Variants in DLGAP2 observed in about 807,000 individuals in gnomAD.
DLGAP2 encodes disks large-associated protein 2.
DLGAP2 carries 26 observed loss-of-function variants against 100.3 expected under a neutral mutation model. The observed-to-expected ratio is 0.26, with a 90% CI of 0.19 to 0.36. DLGAP2 has a LOEUF of 0.36. Among genes scored for constraint, DLGAP2 ranks in the 10% least tolerant of loss-of-function variants. DLGAP2 has a pLI of 1.00. For missense variants in DLGAP2, 1,858 were observed against 1,453.2 expected, an observed-to-expected ratio of 1.28 and a Z score of -4.53; for synonymous variants, 886 against 630.1, an observed-to-expected ratio of 1.41 and a Z score of -6.08.
At chr8:1,455,040 G>A (rs918092161) in intron 3 of DLGAP2, among the ~76,000 whole-genome samples, 4 of 152,166 alleles carry the variant, frequency 2.6e-5, no homozygotes, top group African/African-American at 4.8e-5. Flanking sequence ...CTGGGGAGGG[G>A]GGGATACCGG....
At chr8:1,379,273 G>C (rs1796035426) in intron 3 of DLGAP2, among the ~76,000 whole-genome samples, 1 of 152,248 alleles carries the variant, frequency 6.6e-6, no homozygotes. Context: ...ACAGGCCCGA[G>C]GGCCACATCT....
chr8:827,627 T>C (rs781071235), intron 1 of DLGAP2, among the ~76,000 whole-genome samples: 6 of 152,242 alleles, frequency 3.9e-5, no homozygotes, highest in South Asian at 2.1e-4. Context: ...TTTTGTCTCA[T>C]TTGAAATAAG....
chr8:1,389,979 AC>A (rs113734436), intron 3 of DLGAP2, among the ~76,000 whole-genome samples: 52 of 152,232 alleles, frequency 3.4e-4, no homozygotes, highest in African/African-American at 1.1e-3. Context: ...AACAGGAGCA[AC>A]CGCAGGCTCT....
At chr8:1,655,650 C>A (rs957948522) in intron 8 of DLGAP2, among the ~76,000 whole-genome samples, 3 of 152,204 alleles carry the variant, frequency 2.0e-5, no homozygotes, top group Non-Finnish European at 2.9e-5. Context: ...TCCTCAAAGC[C>A]ATGTGAAGTG....
At chr8:823,460 T>G (rs1445103500) in intron 1 of DLGAP2, among the ~76,000 whole-genome samples, 1 of 152,078 alleles carries the variant, frequency 6.6e-6, no homozygotes, top group African/African-American at 2.4e-5. Context: ...TTAGTTAGGG[T>G]GCTTAATTGC....
At chr8:746,682 GT>G (rs1820625475) in intron 1 of DLGAP2, among the ~76,000 whole-genome samples, 1 of 152,180 alleles carries the variant, frequency 6.6e-6, no homozygotes, top group Non-Finnish European at 1.5e-5. Context: ...TTCTGTTTTT[GT>G]TTTTTTGCTG....
At chr8:982,233 G>A (rs1027295976) in intron 2 of DLGAP2, among the ~76,000 whole-genome samples, 1 of 152,204 alleles carries the variant, frequency 6.6e-6, no homozygotes, top group Non-Finnish European at 1.5e-5. Flanking sequence ...CCTAACCCAC[G>A]GGTGACCGTG....
At chr8:1,006,330 A>G (rs922991083) in intron 2 of DLGAP2, among the ~76,000 whole-genome samples, 1 of 152,204 alleles carries the variant, frequency 6.6e-6, no homozygotes, top group African/African-American at 2.4e-5. Flanking sequence ...ACGGTCCTTT[A>G]TCACGTCAGG....
At chr8:1,190,929 C>T (rs537892405) in intron 2 of DLGAP2, among the ~76,000 whole-genome samples, 1 of 152,100 alleles carries the variant, frequency 6.6e-6, no homozygotes, top group African/African-American at 2.4e-5. Context: ...CCTATGGAAG[C>T]CGTCCCATGG....
intron 2 of DLGAP2, among the ~76,000 whole-genome samples, chr8:1,031,434 C>G (rs1220606382): frequency 6.6e-6 from 1 of 151,670 alleles, no homozygotes; most frequent in African/African-American, 2.4e-5. Flanking sequence ...TTTTTTGAGA[C>G]AGGGCCTCAC....
At chr8:1,666,753 A>G (rs1206715161) in intron 8 of DLGAP2, among the ~76,000 whole-genome samples, 1 of 152,142 alleles carries the variant, frequency 6.6e-6, no homozygotes, top group Non-Finnish European at 1.5e-5. Flanking sequence ...GTCATCCTGA[A>G]TGGCAGGCTT....
rs59165125 is a variant in DLGAP2, at chr8:1,437,813, CAAAA to C, written c.107-63533_107-63530del. 5.1e-3 allele frequency among the ~76,000 whole-genome samples: 438 copies of C among 85,230 alleles called. 2 individuals are homozygous for C. Among genetic ancestry groups the C allele is most frequent in the African/African-American group, 0.017 (399 of 22,894 alleles). 55.9% of individuals were successfully genotyped at this position (85,230 alleles called of 152,430 possible). ...TGAAACCCCGTCTCTACTAAAAATA[CAAAA>C]AAAAAAAAAAAAAAAAAAATTAGCC... is the stretch of plus-strand genomic sequence containing the variant. On this transcript the variant is annotated intron_variant, in intron 3 of 14. Transcript: ENST00000637795.
chr8:1,565,999 A>G (rs1400344786), intron 6 of DLGAP2, 105 bp downstream of exon 6: 4 of 978,066 alleles, frequency 4.1e-6, no homozygotes, highest in Non-Finnish European at 5.7e-6. Context: ...CATTTAAACT[A>G]AATTGCCAAG....
At chr8:1,340,120 A>T (rs1801385882) in intron 3 of DLGAP2, among the ~76,000 whole-genome samples, 1 of 152,192 alleles carries the variant, frequency 6.6e-6, no homozygotes, top group South Asian at 2.1e-4. Flanking sequence ...TAAAACCCAA[A>T]ACTATAAAAA....
chr8:1,120,049 A>T (rs546155125), intron 2 of DLGAP2, among the ~76,000 whole-genome samples: 2 of 152,354 alleles, frequency 1.3e-5, no homozygotes, highest in South Asian at 2.1e-4. Flanking sequence ...GCAGCAACTT[A>T]TAACAAAAAC....
chr8:1,081,903 C>T (rs536929794), intron 2 of DLGAP2, among the ~76,000 whole-genome samples: 2 of 152,278 alleles, frequency 1.3e-5, no homozygotes, highest in South Asian at 4.1e-4. Flanking sequence ...GCTGCTCCTA[C>T]CCCTGGCCAC....
chr8:1,162,960 G>A (rs1796920443), intron 2 of DLGAP2, among the ~76,000 whole-genome samples: 1 of 152,214 alleles, frequency 6.6e-6, no homozygotes, highest in Non-Finnish European at 1.5e-5. Flanking sequence ...AGGAAAGTCA[G>A]AGCTTGGTAG....
At chr8:1,631,711 C>G (rs1797651712) in intron 7 of DLGAP2, among the ~76,000 whole-genome samples, 1 of 152,202 alleles carries the variant, frequency 6.6e-6, no homozygotes, top group Non-Finnish European at 1.5e-5. Flanking sequence ...CTGCCCTTTG[C>G]TCACCCCCTG....
rs554431703 is a variant in DLGAP2, at chr8:1,639,406, G to A, written c.1810+6360G>A. On this transcript the variant is annotated intron_variant, in intron 8 of 14. Transcript: ENST00000637795. ...GGCAGTGTGGGCAGAGTCCTGGAAG[G>A]CTGCTGCGAGGCCTGAATTGTGCAG... is the stretch of plus-strand genomic sequence containing the variant. 2.0e-5 allele frequency among the ~76,000 whole-genome samples: 3 copies of A among 152,260 alleles called. No individual in the cohort carries two copies. In the South Asian group the frequency reaches 6.2e-4, roughly 32 times the overall value.
Sources: gnomAD v4.1 joint callset for allele counts (sites outside exome capture counted in the v4.1 genomes callset) on GRCh38, gnomAD v4.1.1 for gene constraint, MANE v1.5 for transcripts, NCBI Gene and HGNC (gene_info 2026-07-23, HGNC 2026-07-21) for gene names.